The following FRMPD1 variants were observed in gnomAD, a reference collection of about 807,000 sequenced individuals.
FRMPD1 encodes FERM and PDZ domain-containing protein 1.
A neutral mutation model predicts 117.8 loss-of-function variants in FRMPD1; 76 were observed. The ratio of observed to expected loss-of-function variants is 0.65; its 90% CI spans 0.54 to 0.78. The LOEUF (loss-of-function observed/expected upper bound fraction) is 0.78. Ranked by LOEUF, FRMPD1 falls within the 30% of genes least tolerant of loss-of-function variation. The pLI, the probability that FRMPD1 is intolerant of heterozygous loss-of-function variation, is 0.00. For synonymous variants in FRMPD1, 783 were observed against 770.4 expected (o/e 1.02, Z -0.27); for missense variants, 1,786 against 1,964.5 (o/e 0.91, Z 1.72).
chr9:37,666,538 G>A (rs903671746), intron 1 of FRMPD1, among the ~76,000 whole-genome samples: 2 of 152,010 alleles, frequency 1.3e-5, no homozygotes, highest in African/African-American at 4.8e-5. Flanking sequence ...TGCCCCCGTT[G>A]CCTTTCTCCC....
upstream of FRMPD1, among the ~76,000 whole-genome samples, chr9:37,649,158 T>G (rs1464853247): frequency 3.3e-5 from 5 of 152,232 alleles, no homozygotes. Flanking sequence ...CTTATCTTAC[T>G]TTCTGACAAG....
chr9:37,746,187 C>G lies in FRMPD1; in HGVS notation c.4155C>G (p.Ala1385=). Residue 1385 remains alanine (A), a synonymous_variant, in exon 16 of 16, where the codon GCC becomes GCG. Coordinates refer to ENST00000377765, the MANE Select transcript of FRMPD1 (RefSeq NM_014907.3). ...TTCTGCCCTGGAGGCCTGCCCGAGC[C>G]CACAGCTGCACCACCGCACCCCTGT... ...PVVLPWRPAR[A]HSCTTAPLSR... The G allele has an allele frequency of 6.2e-7, 1 of 1,613,358 alleles. No homozygotes were observed.
At chr9:37,636,756 C>T in the FRMPD1 span, 44 of 1,602,264 alleles carry the variant, frequency 2.7e-5, no homozygotes, top group Admixed American at 3.4e-4. Context: ...CGCTCGCCCC[C>T]GGAGGCTGCT....
the FRMPD1 span, among the ~76,000 whole-genome samples, chr9:37,631,183 C>T: frequency 2.0e-5 from 3 of 151,632 alleles, no homozygotes; most frequent in East Asian, 1.9e-4. Context: ...AAAAGCACTT[C>T]GATGTTGAAA....
intron 14 of FRMPD1, among the ~76,000 whole-genome samples, chr9:37,739,431 T>C (rs1346463544): frequency 6.6e-6 from 1 of 152,028 alleles, no homozygotes; most frequent in East Asian, 1.9e-4. Context: ...AATAAAGAGA[T>C]TGCAACCTGG....
the FRMPD1 span, among the ~76,000 whole-genome samples, chr9:37,624,228 T>C: frequency 6.6e-6 from 1 of 152,352 alleles, no homozygotes; most frequent in East Asian, 1.9e-4. Flanking sequence ...GGAAAAGAAC[T>C]AGCCCTATGT....
At chr9:37,701,626 T>G (rs1254561678) in intron 2 of FRMPD1, among the ~76,000 whole-genome samples, 1 of 151,954 alleles carries the variant, frequency 6.6e-6, no homozygotes. Context: ...GTAGGCTAGT[T>G]TGACTGGAAC....
intron 10 of FRMPD1, among the ~76,000 whole-genome samples, chr9:37,732,658 G>A (rs909113878): frequency 6.6e-6 from 1 of 152,246 alleles, no homozygotes; most frequent in African/African-American, 2.4e-5. Context: ...CAGATGGAAT[G>A]TCACAGGATT....
the FRMPD1 span, among the ~76,000 whole-genome samples, chr9:37,612,334 T>C: frequency 1.3e-5 from 2 of 151,786 alleles, no homozygotes; most frequent in African/African-American, 4.8e-5. Context: ...TTTGTTTTTG[T>C]TTGTTTTTGC....
At chr9:37,716,266 C>G (rs1823115239) in intron 5 of FRMPD1, among the ~76,000 whole-genome samples, 1 of 152,196 alleles carries the variant, frequency 6.6e-6, no homozygotes, top group South Asian at 2.1e-4. Context: ...AGCCACGTCC[C>G]TTCAGTTCCA....
upstream of FRMPD1, chr9:37,650,871 T>G (rs1482003793): frequency 6.8e-6 from 1 of 147,938 alleles, no homozygotes; most frequent in African/African-American, 2.4e-5. Context: ...GCCGCGCAGC[T>G]GCAGCCTCAG....
chr9:37,653,997 C>T (rs1318520113), intron 1 of FRMPD1, among the ~76,000 whole-genome samples: 2 of 152,162 alleles, frequency 1.3e-5, no homozygotes, highest in Non-Finnish European at 2.9e-5. Flanking sequence ...AATAACATTG[C>T]AATACCTTAT....
chr9:37,620,197 A>C, the FRMPD1 span, among the ~76,000 whole-genome samples: 5 of 152,236 alleles, frequency 3.3e-5, no homozygotes, highest in African/African-American at 4.8e-5. Context: ...TCACTTCTAC[A>C]CAAATAGGCA....
chr9:37,703,622 A>G (rs1442733160), intron 2 of FRMPD1, among the ~76,000 whole-genome samples: 2 of 152,214 alleles, frequency 1.3e-5, no homozygotes, highest in East Asian at 3.8e-4. Context: ...CAACTGTCAC[A>G]AGTCCATTTT....
At chr9:37,656,644 A>G (rs1477322830) in intron 1 of FRMPD1, among the ~76,000 whole-genome samples, 1 of 152,104 alleles carries the variant, frequency 6.6e-6, no homozygotes, top group Non-Finnish European at 1.5e-5. Context: ...AGTGGATTAA[A>G]TTTGTTTTGG....
intron 1 of FRMPD1, among the ~76,000 whole-genome samples, chr9:37,688,348 G>A (rs1401799527): frequency 6.6e-6 from 1 of 151,520 alleles, no homozygotes; most frequent in Non-Finnish European, 1.5e-5. Flanking sequence ...ATTTACTTTT[G>A]TCTTCTGTAT....
intron 5 of FRMPD1, among the ~76,000 whole-genome samples, chr9:37,714,083 T>C (rs1379585545): frequency 6.6e-6 from 1 of 152,266 alleles, no homozygotes; most frequent in East Asian, 1.9e-4. Flanking sequence ...GCCATAAATA[T>C]GTCAGACCAA....
intron 9 of FRMPD1, 130 bp downstream of exon 9, chr9:37,731,233 G>C: frequency 1.3e-6 from 1 of 779,278 alleles, no homozygotes; most frequent in East Asian, 2.5e-5. Flanking sequence ...GAAGGAGAAT[G>C]GGCCTGATCA....
chr9:37,646,181 T>C (rs955158790), upstream of FRMPD1, among the ~76,000 whole-genome samples: 1 of 152,254 alleles, frequency 6.6e-6, no homozygotes, highest in Non-Finnish European at 1.5e-5. Flanking sequence ...TGTCTCATTA[T>C]ATTTCTGCAT....
Sources: gnomAD v4.1 joint callset for allele counts (sites outside exome capture counted in the v4.1 genomes callset) on GRCh38, gnomAD v4.1.1 for gene constraint, MANE v1.5 for transcripts, NCBI Gene and HGNC (gene_info 2026-07-23, HGNC 2026-07-21) for gene names.